Variants in LDB2 observed in about 807,000 individuals in gnomAD.
LDB2 encodes the protein LIM domain-binding protein 2.
A neutral mutation model predicts 44.3 loss-of-function variants in LDB2; 12 were observed. The ratio of observed to expected loss-of-function variants is 0.27; its 90% CI spans 0.17 to 0.44. LDB2 has a LOEUF of 0.44. Ranked by LOEUF, LDB2 falls within the 20% of genes least tolerant of loss-of-function variation. LDB2 has a pLI of 1.00. For missense variants in LDB2, 344 were observed against 473.5 expected, an observed-to-expected ratio of 0.73 and a Z score of 2.54; for synonymous variants, 164 against 174.8, an observed-to-expected ratio of 0.94 and a Z score of 0.49.
intron 2 of LDB2, among the ~76,000 whole-genome samples, chr4:16,740,629 G>A (rs536273255): frequency 6.6e-6 from 1 of 152,298 alleles, no homozygotes; most frequent in African/African-American, 2.4e-5. Flanking sequence ...ATGGACTTCT[G>A]GGACATAACC....
chr4:16,610,225 C>T (rs560282510), intron 2 of LDB2, among the ~76,000 whole-genome samples: 1 of 152,074 alleles, frequency 6.6e-6, no homozygotes, highest in Non-Finnish European at 1.5e-5. Flanking sequence ...GCCTCAAAGA[C>T]CGAAACTAGA....
At chr4:16,714,017 G>A (rs1033205601) in intron 2 of LDB2, among the ~76,000 whole-genome samples, 6 of 152,098 alleles carry the variant, frequency 3.9e-5, no homozygotes, top group African/African-American at 7.2e-5. Flanking sequence ...CTCATTCACC[G>A]GCGAGAAGAT....
At chr4:16,866,688 A>C (rs911541623) in intron 1 of LDB2, among the ~76,000 whole-genome samples, 2 of 152,228 alleles carry the variant, frequency 1.3e-5, no homozygotes, top group Non-Finnish European at 2.9e-5. Context: ...CATAGGGAAA[A>C]AAATCTGACA....
chr4:16,738,684 C>G (rs1161309340), intron 2 of LDB2, among the ~76,000 whole-genome samples: 2 of 152,226 alleles, frequency 1.3e-5, no homozygotes, highest in African/African-American at 4.8e-5. Context: ...AAGTGAAAAT[C>G]TGGTTCACAT....
intron 2 of LDB2, among the ~76,000 whole-genome samples, chr4:16,659,206 GA>G (rs1302460156): frequency 1.3e-5 from 2 of 152,162 alleles, no homozygotes; most frequent in African/African-American, 4.8e-5. Context: ...TGCATGTGTG[GA>G]AAAGGCCTGA....
intron 5 of LDB2, among the ~76,000 whole-genome samples, chr4:16,544,579 G>A (rs1020400138): frequency 6.6e-6 from 1 of 152,146 alleles, no homozygotes; most frequent in Non-Finnish European, 1.5e-5. Context: ...GAAGGGGAGA[G>A]GTTTTGGATC....
chr4:16,523,187 C>T (rs2152280479), intron 5 of LDB2, among the ~76,000 whole-genome samples: 1 of 152,186 alleles, frequency 6.6e-6, no homozygotes, highest in East Asian at 1.9e-4. Flanking sequence ...GTTACCAAGT[C>T]CCAAAATCCA....
intron 2 of LDB2, among the ~76,000 whole-genome samples, chr4:16,718,674 C>T (rs1304064076): frequency 6.6e-6 from 1 of 151,590 alleles, no homozygotes; most frequent in Non-Finnish European, 1.5e-5. Context: ...GTACTTCCTA[C>T]CCTAGAGATT....
At chr4:16,728,526 T>G (rs1760036277) in intron 2 of LDB2, among the ~76,000 whole-genome samples, 1 of 152,222 alleles carries the variant, frequency 6.6e-6, no homozygotes, top group Admixed American at 6.5e-5. Flanking sequence ...AAAGGATTAT[T>G]TTTTGCTTAT....
intron 2 of LDB2, among the ~76,000 whole-genome samples, chr4:16,637,931 T>C (rs1259759867): frequency 2.0e-5 from 3 of 152,240 alleles, no homozygotes; most frequent in African/African-American, 7.2e-5. Context: ...CTCCACATCC[T>C]GGCTCTGCCA....
intron 5 of LDB2, among the ~76,000 whole-genome samples, chr4:16,566,599 A>G: frequency 6.6e-6 from 1 of 152,130 alleles, no homozygotes; most frequent in East Asian, 1.9e-4. Context: ...AGAATATATC[A>G]TTGTTAGCTC....
intron 2 of LDB2, among the ~76,000 whole-genome samples, chr4:16,643,193 T>TG (rs34413829): frequency 6.5e-3 from 338 of 51,644 alleles, no homozygotes; most frequent in African/African-American, 0.023. Context: ...TGGGATGGGG[T>TG]GGGGGGGGCA....
At chr4:16,735,726 G>A (rs921813247) in intron 2 of LDB2, among the ~76,000 whole-genome samples, 4 of 152,140 alleles carry the variant, frequency 2.6e-5, no homozygotes, top group African/African-American at 7.2e-5. Context: ...CGACCTCAGT[G>A]TAATCACAAG....
intron 1 of LDB2, among the ~76,000 whole-genome samples, chr4:16,841,174 T>C (rs1370901941): frequency 6.6e-6 from 1 of 152,214 alleles, no homozygotes; most frequent in Non-Finnish European, 1.5e-5. Context: ...ATTCAGTTAT[T>C]ACATTTTTTA....
chr4:16,542,101 T>TAGG (rs1553889138), intron 5 of LDB2, among the ~76,000 whole-genome samples: 1 of 83,652 alleles, frequency 1.2e-5, no homozygotes, highest in Non-Finnish European at 2.2e-5. Context: ...CATCAGGTGG[T>TAGG]GGGGGGGGGG....
At chr4:16,660,067 T>A (rs1027754068) in intron 2 of LDB2, among the ~76,000 whole-genome samples, 2 of 152,184 alleles carry the variant, frequency 1.3e-5, no homozygotes, top group Non-Finnish European at 2.9e-5. Flanking sequence ...ACTGAGGGAC[T>A]GCTACTGGCA....
At chr4:16,585,830 A>T in intron 5 of LDB2, 92 bp downstream of exon 5, 1 of 869,714 alleles carries the variant, frequency 1.1e-6, no homozygotes, top group Non-Finnish European at 1.9e-6. Flanking sequence ...TATCACCAGT[A>T]CCTCATTTTA....
intron 2 of LDB2, chr4:16,752,425 A>AT (rs1468535241): frequency 4.4e-6 from 2 of 453,444 alleles, no homozygotes; most frequent in South Asian, 3.1e-5. Flanking sequence ...ATTAATATTC[A>AT]TTTTTTCCCC....
chr4:16,794,410 A>C (rs913381374), intron 1 of LDB2, among the ~76,000 whole-genome samples: 5 of 152,176 alleles, frequency 3.3e-5, no homozygotes, highest in African/African-American at 1.2e-4. Context: ...CAATCTGTGC[A>C]ACAGATCTCT....
Sources: allele counts gnomAD v4.1 joint callset (sites outside exome capture counted in the v4.1 genomes callset), GRCh38; gene constraint gnomAD v4.1.1; transcripts MANE v1.5; gene names NCBI Gene and HGNC (gene_info 2026-07-23, HGNC 2026-07-21).